The following CTXND2 variants were observed in gnomAD, a reference collection of about 807,000 sequenced individuals.
CTXND2 encodes the protein cortexin domain containing 2.
At chr1:150,895,940 C>A (rs962759023) in intron 1 of CTXND2, among the ~76,000 whole-genome samples, 2 of 152,220 alleles carry the variant, frequency 1.3e-5, no homozygotes, top group African/African-American at 4.8e-5. Context: ...CCTAACCAGA[C>A]TTTTCCTGTG....
chr1:150,911,376 T>C (rs1165354330), intron 1 of CTXND2, among the ~76,000 whole-genome samples: 1 of 152,156 alleles, frequency 6.6e-6, no homozygotes, highest in East Asian at 1.9e-4. Context: ...TGTTTTTCTT[T>C]TTCAGAATTT....
intron 1 of CTXND2, among the ~76,000 whole-genome samples, chr1:150,894,392 T>G (rs1668888486): frequency 6.6e-6 from 1 of 152,186 alleles, no homozygotes; most frequent in African/African-American, 2.4e-5. Context: ...AAATCAAGCT[T>G]GTTAATTGTA....
chr1:150,910,578 C>T (rs587739976), intron 1 of CTXND2, among the ~76,000 whole-genome samples: 106 of 151,788 alleles, frequency 7.0e-4, no homozygotes, highest in South Asian at 1.2e-3. Context: ...TCTTGGTACC[C>T]TAGTTTAAAA....
chr1:150,893,184 T>C (rs1237687805), intron 1 of CTXND2, among the ~76,000 whole-genome samples: 1 of 152,212 alleles, frequency 6.6e-6, no homozygotes, highest in Non-Finnish European at 1.5e-5. Flanking sequence ...TATTTAGAAA[T>C]ATAATTGACT....
intron 1 of CTXND2, among the ~76,000 whole-genome samples, chr1:150,901,567 T>C (rs587774245): frequency 3.3e-5 from 5 of 152,224 alleles, no homozygotes; most frequent in African/African-American, 9.6e-5. Context: ...AGAATAGAAT[T>C]GAGAGTCTAG....
exon 2 of CTXND2, chr1:150,912,454 C>T: frequency 2.5e-6 from 1 of 398,588 alleles, no homozygotes; most frequent in Non-Finnish European, 4.4e-6. Flanking sequence ...AAGGCCAGCT[C>T]CACAACCACA....
At chr1:150,901,313 G>A (rs1014619333) in intron 1 of CTXND2, among the ~76,000 whole-genome samples, 7 of 152,148 alleles carry the variant, frequency 4.6e-5, no homozygotes, top group Non-Finnish European at 7.3e-5. Flanking sequence ...TAAGATGCCA[G>A]TACTCTCTAA....
chr1:150,892,528 C>CTTTTTTTTTT (rs5777740), intron 1 of CTXND2, among the ~76,000 whole-genome samples: 5 of 123,348 alleles, frequency 4.1e-5, no homozygotes, highest in Non-Finnish European at 5.1e-5. Flanking sequence ...TCTTCTTCTT[C>CTTTTTTTTTT]TTTTTTTTTT....
chr1:150,899,122 AAAT>A (rs1210425377), intron 1 of CTXND2, among the ~76,000 whole-genome samples: 1 of 54,048 alleles, frequency 1.9e-5, no homozygotes, highest in Non-Finnish European at 3.5e-5. Flanking sequence ...ATAAATAAAT[AAAT>A]AAATAAACAA....
intron 1 of CTXND2, among the ~76,000 whole-genome samples, chr1:150,897,757 A>T (rs1287735950): frequency 6.6e-6 from 1 of 152,122 alleles, no homozygotes; most frequent in Non-Finnish European, 1.5e-5. Context: ...TCTATAAATA[A>T]TATATATATA....
At chr1:150,910,040 C>T (rs1054661837) in intron 1 of CTXND2, among the ~76,000 whole-genome samples, 3 of 151,388 alleles carry the variant, frequency 2.0e-5, no homozygotes, top group African/African-American at 7.3e-5. Context: ...GTGGCCCTTT[C>T]CTGAAGAAGG....
chr1:150,906,777 G>A (rs979559147), intron 1 of CTXND2, among the ~76,000 whole-genome samples: 2 of 152,158 alleles, frequency 1.3e-5, no homozygotes, highest in African/African-American at 4.8e-5. Flanking sequence ...AGGTGTCTCC[G>A]AAGGAGCAGG....
intron 1 of CTXND2, among the ~76,000 whole-genome samples, chr1:150,894,143 A>T (rs1668886285): frequency 6.6e-6 from 1 of 152,088 alleles, no homozygotes; most frequent in African/African-American, 2.4e-5. Flanking sequence ...CTATATATTA[A>T]ATGTCACTTA....
chr1:150,905,947 A>G (rs1327925823), intron 1 of CTXND2, among the ~76,000 whole-genome samples: 1 of 151,038 alleles, frequency 6.6e-6, no homozygotes, highest in Non-Finnish European at 1.5e-5. Context: ...CTGAGATCAC[A>G]CCACTGCACT....
chr1:150,905,982 T>G (rs761868996), intron 1 of CTXND2, among the ~76,000 whole-genome samples: 4 of 139,348 alleles, frequency 2.9e-5, no homozygotes, highest in Non-Finnish European at 6.2e-5. Flanking sequence ...AGAGCGAGAC[T>G]CCATCTCAAA....
At position 150,905,390 on chromosome 1, in the gene CTXND2, C is replaced by G. The variant is rs952312539; in HGVS notation, c.-73-6852C>G. Among the ~76,000 whole-genome samples, 10 of 152,036 alleles carry G rather than the reference C, an allele frequency of 6.6e-5. No homozygotes were observed. The East Asian group carries it at 7.8e-4, about 12-fold the overall frequency. On this transcript the variant is annotated intron_variant, in intron 1 of 1. Transcript: ENST00000636087. Reference sequence around the variant, plus strand: ...GACTCCTGACCTCAGGTGATCCCCCCCAACCTCGGCCTCCCAAAGTGCTGG... The same window carrying G: ...GACTCCTGACCTCAGGTGATCCCCCGCAACCTCGGCCTCCCAAAGTGCTGG...
intron 1 of CTXND2, chr1:150,903,800 CAA>C (rs752462474): frequency 5.4e-3 from 1,785 of 329,506 alleles, no homozygotes; most frequent in South Asian, 6.7e-3. Flanking sequence ...AACTCCGTCT[CAA>C]AAAAAAAAAA....
intron 1 of CTXND2, among the ~76,000 whole-genome samples, chr1:150,889,692 C>T (rs587758911): frequency 3.9e-5 from 6 of 152,170 alleles, no homozygotes; most frequent in Admixed American, 1.3e-4. Context: ...ATACTTTTTA[C>T]GCACTCTTGC....
intron 1 of CTXND2, among the ~76,000 whole-genome samples, chr1:150,906,135 C>CA (rs1376081589): frequency 6.6e-6 from 1 of 151,206 alleles, no homozygotes; most frequent in African/African-American, 2.4e-5. Flanking sequence ...CTCGTCTCTA[C>CA]AAAAAATTTA....
Sources: allele counts gnomAD v4.1 joint callset (sites outside exome capture counted in the v4.1 genomes callset), GRCh38; gene constraint gnomAD v4.1.1; transcripts MANE v1.5; gene names NCBI Gene and HGNC (gene_info 2026-07-23, HGNC 2026-07-21).